The following TVP23A variants were observed in gnomAD, a reference collection of about 807,000 sequenced individuals.
TVP23A encodes the protein trans-golgi network vesicle protein 23 homolog A, also known as Golgi apparatus membrane protein TVP23 homolog A.
TVP23A carries 21 observed loss-of-function variants against 31.7 expected under a neutral mutation model. The observed-to-expected ratio is 0.66, with a 90% CI of 0.47 to 0.95. The LOEUF is 0.95. Ranked by LOEUF, TVP23A falls within the 40% of genes least tolerant of loss-of-function variation. The pLI is 0.00. For synonymous variants in TVP23A, 104 were observed against 96.0 expected (o/e 1.08, Z -0.49); for missense variants, 279 against 255.6 (o/e 1.09, Z -0.62).
chr16:10,816,275 T>G (rs1417843248), intron 2 of TVP23A, among the ~76,000 whole-genome samples: 1 of 148,296 alleles, frequency 6.7e-6, no homozygotes, highest in African/African-American at 2.5e-5. Flanking sequence ...TCCCCAGAAA[T>G]TGTGACAGCC....
intron 2 of TVP23A, among the ~76,000 whole-genome samples, chr16:10,780,465 G>T (rs2142935780): frequency 6.6e-6 from 1 of 152,254 alleles, no homozygotes; most frequent in African/African-American, 2.4e-5. Flanking sequence ...TTTGTATAAG[G>T]GCACTGGCTC....
At chr16:10,760,814 A>G (rs539281144), downstream of TVP23A, 1 of 152,704 alleles carries the variant, frequency 6.5e-6, no homozygotes, top group East Asian at 1.9e-4. Context: ...TCGAACAAAC[A>G]GGGCTTAGCA....
At chr16:10,761,306 C>A (rs750501348) in exon 9 of TVP23A, 8 of 1,520,346 alleles carry the variant, frequency 5.3e-6, no homozygotes, top group Non-Finnish European at 4.6e-6. Context: ...CTCGGTTGCA[C>A]AGACATTCCC....
intron 2 of TVP23A, among the ~76,000 whole-genome samples, chr16:10,804,650 G>A (rs112340385): frequency 2.0e-5 from 3 of 152,334 alleles, no homozygotes; most frequent in Non-Finnish European, 2.9e-5. Context: ...GGAGGCTGAG[G>A]GGGGAGGATC....
intron 2 of TVP23A, among the ~76,000 whole-genome samples, chr16:10,786,840 G>A (rs2032787265): frequency 6.6e-6 from 1 of 152,050 alleles, no homozygotes; most frequent in African/African-American, 2.4e-5. Flanking sequence ...ATCGGCAGAA[G>A]CAGCCCTGAC....
chr16:10,803,048 C>G (rs1253628606), intron 2 of TVP23A, among the ~76,000 whole-genome samples: 3 of 152,112 alleles, frequency 2.0e-5, no homozygotes, highest in African/African-American at 7.2e-5. Flanking sequence ...CTTTGGGAGG[C>G]TGAGGTGGAT....
intron 2 of TVP23A, among the ~76,000 whole-genome samples, chr16:10,809,952 C>G (rs7205449): frequency 1.3e-5 from 2 of 152,064 alleles, no homozygotes. Flanking sequence ...AGCAACATTA[C>G]TCATAACAAC....
intron 2 of TVP23A, among the ~76,000 whole-genome samples, chr16:10,809,555 G>C (rs540000074): frequency 6.6e-6 from 1 of 152,352 alleles, no homozygotes; most frequent in South Asian, 2.1e-4. Flanking sequence ...TGCAGTAGTA[G>C]AGCAAAAGGA....
At chr16:10,785,096 CAAA>C (rs56109185) in intron 2 of TVP23A, among the ~76,000 whole-genome samples, 4 of 76,334 alleles carry the variant, frequency 5.2e-5, no homozygotes, top group Non-Finnish European at 8.1e-5. Flanking sequence ...GACTCCGTCT[CAAA>C]AAAAAAAAAA....
Position 10,818,347 on chromosome 16 carries a change from C to T in TVP23A, c.9+138G>A, listed in dbSNP as rs114201415. On this transcript the variant is annotated intron_variant, in intron 1 of 7. Transcript: ENST00000299866. The surrounding 1 kb of genome is among the most constrained non-coding windows in gnomAD (Gnocchi z 4.7). ...CGCTGCGGCTGCAGTGCAAAGCCCT[C>T]TCCACCCTCCCGACCACCGGGTGCA... The T allele has an allele frequency of 1.5e-3, 2,092 of 1,411,718 alleles. 28 individuals carry two copies. In the African/African-American group the frequency reaches 0.025, roughly 17 times the overall value. The allele number at this position is 1,411,718 out of a possible 1,614,324, so 87.4% of individuals were successfully genotyped here. A position where few individuals can be genotyped will look rare whatever the true frequency, so the allele number is the denominator to read the frequency against.
chr16:10,767,551 TA>T lies in TVP23A; in HGVS notation c.*1550del, dbSNP rs2031083310. The T allele has an allele frequency of 2.2e-6, 1 of 455,928 alleles. No homozygotes were observed. Among genetic ancestry groups the T allele is most frequent in the South Asian group, 6.3e-5 (1 of 15,786 alleles). The allele number at this position is 455,928 out of a possible 1,614,324, so 28.2% of individuals were successfully genotyped here. On this transcript the variant is annotated 3_prime_UTR_variant, in exon 8 of 8. Transcript: ENST00000299866. The surrounding 1 kb of genome is among the most constrained non-coding windows in gnomAD (Gnocchi z 4.6). ...TCTGGAAAGACACCTAGAACACTAGTAGCCCTTTTCGGACTTGGCCTTTTAT... is the reference window on the plus strand; with the variant it reads ...TCTGGAAAGACACCTAGAACACTAGTGCCCTTTTCGGACTTGGCCTTTTAT...
chr16:10,761,571 G>A (rs1277458363), intron 8 of TVP23A: 2 of 1,140,420 alleles, frequency 1.8e-6, no homozygotes, highest in Admixed American at 2.2e-5. Context: ...TGCTTTCCCT[G>A]TCATTTTGGG....
At chr16:10,780,798 C>G (rs1336941995) in intron 2 of TVP23A, among the ~76,000 whole-genome samples, 1 of 152,194 alleles carries the variant, frequency 6.6e-6, no homozygotes, top group Non-Finnish European at 1.5e-5. Context: ...ATTACCATCT[C>G]AGTCCTCCGT....
intron 2 of TVP23A, chr16:10,775,352 A>G (rs1373026793): frequency 7.7e-7 from 1 of 1,302,426 alleles, no homozygotes; most frequent in East Asian, 3.2e-5. Flanking sequence ...CTTGACTCCA[A>G]ATATCACTTG....
intron 2 of TVP23A, among the ~76,000 whole-genome samples, chr16:10,795,882 T>C (rs1567302379): frequency 6.6e-6 from 1 of 152,074 alleles, no homozygotes; most frequent in Non-Finnish European, 1.5e-5. Flanking sequence ...CCCCCTCCTT[T>C]GAAGACCACA....
At chr16:10,761,962 G>A (rs2029983821), downstream of TVP23A, 8 of 901,536 alleles carry the variant, frequency 8.9e-6, no homozygotes, top group Admixed American at 1.7e-4. Flanking sequence ...AATGGAAGGA[G>A]GAGGGTCAAT....
chr16:10,804,908 A>C (rs1460558869), intron 2 of TVP23A, among the ~76,000 whole-genome samples: 1 of 151,908 alleles, frequency 6.6e-6, no homozygotes, highest in Admixed American at 6.6e-5. Context: ...CTCCAAAGCA[A>C]AACCCTGTAC....
intron 3 of TVP23A, 32 bp downstream of exon 3, chr16:10,774,920 G>A (rs149921826): frequency 0.012 from 19,946 of 1,597,002 alleles, 140 homozygotes; most frequent in Non-Finnish European, 0.015. Context: ...CTCGTGTTTC[G>A]GAAGTGATGA....
intron 2 of TVP23A, among the ~76,000 whole-genome samples, chr16:10,816,013 G>C (rs748396771): frequency 2.0e-5 from 3 of 152,096 alleles, no homozygotes; most frequent in Non-Finnish European, 4.4e-5. Flanking sequence ...CTTGAGGCCG[G>C]AAGTTCCAGA....
Sources: allele counts gnomAD v4.1 joint callset (sites outside exome capture counted in the v4.1 genomes callset), GRCh38; gene constraint gnomAD v4.1.1; non-coding constraint Gnocchi (gnomAD v3.1); transcripts MANE v1.5; gene names NCBI Gene and HGNC (gene_info 2026-07-23, HGNC 2026-07-21).